Variants in PTPRM observed in about 807,000 individuals in gnomAD.
The protein encoded by PTPRM is protein tyrosine phosphatase receptor type M.
In PTPRM, 47 loss-of-function variants were observed where a neutral mutation model predicts 186.7. The observed-to-expected ratio is 0.25, with a 90% CI of 0.20 to 0.32. The LOEUF (loss-of-function observed/expected upper bound fraction) is 0.32, where lower values mean the gene tolerates loss of function less well. Ranked by LOEUF, PTPRM falls within the 10% of genes least tolerant of loss-of-function variation. The pLI, the probability that PTPRM is intolerant of heterozygous loss-of-function variation, is 1.00. For synonymous variants in PTPRM, 668 were observed against 674.9 expected, an observed-to-expected ratio of 0.99 and a Z score of 0.16; for missense variants, 1,494 against 1,865.0, an observed-to-expected ratio of 0.80 and a Z score of 3.66.
intron 2 of PTPRM, among the ~76,000 whole-genome samples, chr18:7,810,973 G>T (rs1484768401): frequency 5.9e-5 from 9 of 152,000 alleles, no homozygotes; most frequent in African/African-American, 2.2e-4. Context: ...ATATTTTTCT[G>T]AACGATTGAA....
At chr18:7,789,742 G>T (rs929094628) in intron 2 of PTPRM, among the ~76,000 whole-genome samples, 2 of 152,144 alleles carry the variant, frequency 1.3e-5, no homozygotes, top group African/African-American at 4.8e-5. Flanking sequence ...TTGTGCTTGT[G>T]CAGGGAAGGG....
chr18:7,853,787 G>A (rs2046975177), intron 2 of PTPRM, among the ~76,000 whole-genome samples: 1 of 151,998 alleles, frequency 6.6e-6, no homozygotes, highest in African/African-American at 2.4e-5. Flanking sequence ...AACTGCTGTT[G>A]TCCACCAAGA....
intron 2 of PTPRM, among the ~76,000 whole-genome samples, chr18:7,804,784 ACTGT>A (rs1038369777): frequency 6.6e-6 from 1 of 152,076 alleles, no homozygotes; most frequent in African/African-American, 2.4e-5. Context: ...TGAGCAACTG[ACTGT>A]CTCTTTCAGT....
intron 2 of PTPRM, among the ~76,000 whole-genome samples, chr18:7,866,637 G>A (rs1213266681): frequency 3.3e-5 from 5 of 152,218 alleles, no homozygotes. Context: ...TAAGTGTGAT[G>A]TGCTGCTGAG....
intron 2 of PTPRM, among the ~76,000 whole-genome samples, chr18:7,822,291 A>C (rs2045242772): frequency 6.6e-6 from 1 of 152,200 alleles, no homozygotes; most frequent in African/African-American, 2.4e-5. Flanking sequence ...TATAATGTGG[A>C]AATATACTTA....
chr18:8,370,846 A>G, intron 23 of PTPRM, 44 bp from the exon 24 acceptor site: 3 of 1,350,392 alleles, frequency 2.2e-6, no homozygotes, highest in South Asian at 2.7e-5. Context: ...GAACTCCAAA[A>G]AAACCAAACT....
At chr18:8,076,320 T>G (rs1053814254) in intron 8 of PTPRM, 135 bp from the exon 9 acceptor site, 1 of 604,220 alleles carries the variant, frequency 1.7e-6, no homozygotes, top group Non-Finnish European at 2.9e-6. Context: ...GATTCCAGAT[T>G]TTTAAAGAAA....
intron 32 of PTPRM, among the ~76,000 whole-genome samples, chr18:8,401,906 T>C (rs111584544): frequency 0.015 from 2,286 of 152,352 alleles, 53 homozygotes; most frequent in African/African-American, 0.052. Flanking sequence ...AGCAGCAGGT[T>C]GCCCTGGTTA....
chr18:7,632,787 G>T (rs1043379242), intron 1 of PTPRM, among the ~76,000 whole-genome samples: 1 of 152,212 alleles, frequency 6.6e-6, no homozygotes, highest in Non-Finnish European at 1.5e-5. Context: ...GCTACGTGCT[G>T]TTTACTGTAG....
chr18:8,252,553 G>A, intron 18 of PTPRM, 54 bp downstream of exon 18: 2 of 1,505,374 alleles, frequency 1.3e-6, no homozygotes, highest in Non-Finnish European at 1.9e-6. Context: ...GGGAGTGTGT[G>A]TCTTACTGGT....
At chr18:7,705,917 T>A (rs1466075747) in intron 1 of PTPRM, among the ~76,000 whole-genome samples, 1 of 149,600 alleles carries the variant, frequency 6.7e-6, no homozygotes, top group Non-Finnish European at 1.5e-5. Flanking sequence ...GTTTCTTTAA[T>A]AACCCAAATG....
At chr18:7,585,992 CTT>C (rs1384470984) in intron 1 of PTPRM, among the ~76,000 whole-genome samples, 1 of 152,154 alleles carries the variant, frequency 6.6e-6, no homozygotes, top group Non-Finnish European at 1.5e-5. Context: ...TAGGCATTGT[CTT>C]AAGCGCTTTT....
chr18:8,323,467 A>C (rs2148101057), intron 22 of PTPRM, among the ~76,000 whole-genome samples: 1 of 152,354 alleles, frequency 6.6e-6, no homozygotes, highest in Non-Finnish European at 1.5e-5. Context: ...GTCATGTCTG[A>C]AAATACATGT....
intron 2 of PTPRM, among the ~76,000 whole-genome samples, chr18:7,870,361 A>AC (rs565047785): frequency 3.2e-4 from 48 of 152,218 alleles, no homozygotes; most frequent in African/African-American, 1.2e-3. Context: ...TTGGCAACTC[A>AC]GTTTTCTCAT....
At position 7,907,545 on chromosome 18, in the gene PTPRM, C is replaced by T. The variant is rs112751750; in HGVS notation, c.547+962C>T. Among the ~76,000 whole-genome samples the T allele has an allele frequency of 8.5e-3, 1,297 of 152,264 alleles. 16 individuals are homozygous for T. The highest frequency in any genetic ancestry group is 0.03 in the African/African-American group (1,240 of 41,542). Reference sequence around the variant, plus strand: ...AGATGACCCTTGCCTAGACATTCTGCGCTGATTTGGGCCTTGGCATCTTTG... The same window carrying T: ...AGATGACCCTTGCCTAGACATTCTGTGCTGATTTGGGCCTTGGCATCTTTG... On this transcript the variant is annotated intron_variant, in intron 4 of 32. Coordinates refer to ENST00000580170, the MANE Select transcript of PTPRM (RefSeq NM_001105244.2).
chr18:8,186,759 C>T (rs1467150019), intron 14 of PTPRM, among the ~76,000 whole-genome samples: 1 of 152,204 alleles, frequency 6.6e-6, no homozygotes, highest in African/African-American at 2.4e-5. Flanking sequence ...AGAGGCATTC[C>T]TGCCCTTCTA....
At chr18:7,678,262 G>A (rs866714220) in intron 1 of PTPRM, among the ~76,000 whole-genome samples, 16 of 152,178 alleles carry the variant, frequency 1.1e-4, no homozygotes, top group African/African-American at 3.9e-4. Flanking sequence ...TAGGGTGGCT[G>A]TATGTCTCCT....
At chr18:8,273,941 G>A (rs1254218930) in intron 19 of PTPRM, among the ~76,000 whole-genome samples, 1 of 152,104 alleles carries the variant, frequency 6.6e-6, no homozygotes. Flanking sequence ...ATGCAGTCCA[G>A]TAACATTTTT....
chr18:7,926,760 A>G lies in PTPRM; in HGVS notation c.663+77A>G. 3.9e-6 allele frequency: 4 copies of G among 1,021,682 alleles called. No homozygotes were observed. The South Asian group carries it at 7.3e-5, about 19-fold the overall frequency. The allele number at this position is 1,021,682 out of a possible 1,614,324, so 63.3% of individuals were successfully genotyped here. A position where few individuals can be genotyped will look rare whatever the true frequency, so the allele number is the denominator to read the frequency against. On this transcript the variant is annotated intron_variant, in intron 5 of 32. Coordinates refer to ENST00000580170, the MANE Select transcript of PTPRM (RefSeq NM_001105244.2). ...CTCCCCCTGGAGGAGGAACCCAGAG[A>G]AACAGACTCAGGTCCTAGTGTAAGA...
Sources: allele counts gnomAD v4.1 joint callset (sites outside exome capture counted in the v4.1 genomes callset), GRCh38; gene constraint gnomAD v4.1.1; transcripts MANE v1.5; gene names NCBI Gene and HGNC (gene_info 2026-07-23, HGNC 2026-07-21).